Variants in PNLIP observed in about 807,000 individuals in gnomAD.
PNLIP encodes pancreatic lipase.
PNLIP carries 49 observed loss-of-function variants against 57.1 expected under a neutral mutation model. The ratio of observed to expected loss-of-function variants is 0.86; its 90% CI spans 0.68 to 1.09. PNLIP has a LOEUF of 1.09. Among genes scored for constraint, PNLIP ranks in the 50% least tolerant of loss-of-function variants. The pLI, the probability that PNLIP is intolerant of heterozygous loss-of-function variation, is 0.00. For synonymous variants in PNLIP, 209 were observed against 200.4 expected (o/e 1.04, Z -0.36); for missense variants, 503 against 570.2 (o/e 0.88, Z 1.20).
Position 116,559,358 on chromosome 10 carries a change from A to G in PNLIP, c.1060+75A>G. On this transcript the variant is annotated intron_variant, in intron 10 of 12. Transcript: ENST00000369221. ...TATTATGTCCACTGAAAATGTGCAT[A>G]CTTGCTTTTCTATACAAAAGCTTTA... is the stretch of plus-strand genomic sequence containing the variant. The G allele has an allele frequency of 3.4e-6, 4 of 1,164,924 alleles. No homozygotes were observed. The South Asian group carries it at 5.9e-5, about 17-fold the overall frequency. 72.2% of individuals were successfully genotyped at this position (1,164,924 alleles called of 1,614,324 possible). A position where few individuals can be genotyped will look rare whatever the true frequency, so the allele number is the denominator to read the frequency against.
chr10:116,551,312 T>C (rs1425939301), intron 5 of PNLIP, 80 bp downstream of exon 5: 2 of 945,288 alleles, frequency 2.1e-6, no homozygotes, highest in East Asian at 5.7e-5. Flanking sequence ...AAAAAGCCTG[T>C]AGATTTAATC....
chr10:116,565,101 C>T (rs1465132191), intron 12 of PNLIP, among the ~76,000 whole-genome samples: 1 of 151,602 alleles, frequency 6.6e-6, no homozygotes, highest in African/African-American at 2.4e-5. Context: ...ACTAAATACA[C>T]GACGCAGGCG....
chr10:116,557,884 G>A (rs1308132457), intron 9 of PNLIP, among the ~76,000 whole-genome samples: 3 of 151,998 alleles, frequency 2.0e-5, no homozygotes, highest in Non-Finnish European at 4.4e-5. Flanking sequence ...TAGGCTAGCT[G>A]GGGCATTTTC....
rs1266419768 is a variant in PNLIP at position 116,546,286 on chromosome 10, A to G, written c.46+148A>G. On this transcript the variant is annotated intron_variant, in intron 2 of 12. Coordinates refer to ENST00000369221, the MANE Select transcript of PNLIP (RefSeq NM_000936.4). ...AGGAGACGCATAAGAGCACAGGTAC[A>G]TGGAGTAGGGTTGTCAGAAAACATC... The G allele has an allele frequency of 1.2e-5, 8 of 675,186 alleles. No homozygotes were observed. The Admixed American group carries it at 1.6e-4, about 13-fold the overall frequency. The allele number at this position is 675,186 out of a possible 1,614,324, so 41.8% of individuals were successfully genotyped here.
chr10:116,565,875 T>C (rs533871565), intron 12 of PNLIP, among the ~76,000 whole-genome samples: 1 of 152,320 alleles, frequency 6.6e-6, no homozygotes, highest in African/African-American at 2.4e-5. Context: ...AGTGGCACGA[T>C]CTTGGCTCAC....
intron 5 of PNLIP, among the ~76,000 whole-genome samples, chr10:116,552,954 A>G (rs183037607): frequency 2.2e-3 from 332 of 152,328 alleles, no homozygotes; most frequent in African/African-American, 7.6e-3. Context: ...CTGAGTGTAG[A>G]GTAATGTACA....
At position 116,548,063 on chromosome 10, in the gene PNLIP, A is replaced by G. The variant is rs184766719; in HGVS notation, c.202-297A>G. Among the ~76,000 whole-genome samples the G allele has an allele frequency of 5.3e-5, 8 of 152,260 alleles. No individual in the cohort carries two copies. In the East Asian group the frequency reaches 1.5e-3, roughly 29 times the overall value. ...TATCTCTACATAGATAAAGACATAT[A>G]AAAATACACACACGCACACACACAC... On this transcript the variant is annotated intron_variant, in intron 3 of 12. Coordinates refer to ENST00000369221, the MANE Select transcript of PNLIP (RefSeq NM_000936.4).
chr10:116,547,325 C>T lies in PNLIP; in HGVS notation c.78C>T (p.Cys26=). The change falls in exon 3 of 13, where the codon TGC becomes TGT. Residue 26 remains cysteine, a synonymous_variant. Coordinates refer to ENST00000369221, the MANE Select transcript of PNLIP (RefSeq NM_000936.4). ...AAGTTTGCTACGAAAGACTCGGCTG[C>T]TTCAGTGATGACTCCCCATGGTCAG... ...GKEVCYERLG[C]FSDDSPWSGI... is the part of the protein sequence containing the mutation. The T allele has an allele frequency of 1.2e-6, 2 of 1,614,066 alleles. No individual in the cohort carries two copies. Among genetic ancestry groups the T allele is most frequent in the Non-Finnish European group, 1.7e-6 (2 of 1,179,984 alleles).
intron 9 of PNLIP, among the ~76,000 whole-genome samples, chr10:116,558,199 C>CT (rs71010092): frequency 0.079 from 9,350 of 118,216 alleles, 385 homozygotes; most frequent in South Asian, 0.1. Context: ...ATCTTTCTTT[C>CT]TTTTTTTTTT....
At position 116,547,306 on chromosome 10, in the gene PNLIP, G is replaced by A; in HGVS notation, c.59G>A (p.Cys20Tyr). 6.2e-7 allele frequency: 1 copy of A among 1,614,100 alleles called. No individual in the cohort carries two copies. Among genetic ancestry groups the A allele is most frequent in the Non-Finnish European group, 8.5e-7 (1 of 1,179,986 alleles). Residue 20 changes from cysteine (C) to tyrosine (Y), a missense_variant, in exon 3 of 13, where the codon TGC (cysteine) becomes TAC (tyrosine). Physicochemically the swap from Cys to Tyr is radical, Grantham distance 194. Coordinates refer to ENST00000369221, the MANE Select transcript of PNLIP (RefSeq NM_000936.4). ...LLGAVAGKEV[C>Y]YERLGCFSDD... ...TGGGGGATTGCAGGAAAAGAAGTTT[G>A]CTACGAAAGACTCGGCTGCTTCAGT...
chr10:116,546,378 G>C (rs1847123883), intron 2 of PNLIP, among the ~76,000 whole-genome samples: 1 of 152,096 alleles, frequency 6.6e-6, no homozygotes, highest in African/African-American at 2.4e-5. Context: ...ACAAATATGT[G>C]ACATATCTAT....
chr10:116,564,212 T>C (rs2915771), intron 12 of PNLIP, among the ~76,000 whole-genome samples: 151,309 of 152,280 alleles, frequency 0.99, 75,183 homozygotes, highest in Middle Eastern at 1. Flanking sequence ...ATCCATCTAA[T>C]AAAACTTCAC....
Position 116,546,178 on chromosome 10 carries a change from T to G in PNLIP, c.46+40T>G, listed in dbSNP as rs202032753. The stretch of plus-strand genomic sequence containing the variant: ...AAATGTTGAGCTGGGAGAGATTCAC[T>G]TTTCAACACGGTCAGGAGGGCTAGG... On this transcript the variant is annotated intron_variant, in intron 2 of 12. Transcript: ENST00000369221. The G allele has an allele frequency of 3.8e-5, 60 of 1,568,720 alleles. No individual in the cohort carries two copies. The East Asian group carries it at 1.2e-3, about 32-fold the overall frequency.
intron 12 of PNLIP, among the ~76,000 whole-genome samples, chr10:116,567,139 CTTTT>C (rs893758145): frequency 1.6e-4 from 16 of 101,498 alleles, no homozygotes; most frequent in African/African-American, 5.4e-4. Context: ...TTCTTTCTTT[CTTTT>C]CTTCTCTTTC....
chr10:116,557,769 T>C (rs1290835567), intron 9 of PNLIP, among the ~76,000 whole-genome samples: 1 of 152,130 alleles, frequency 6.6e-6, no homozygotes, highest in African/African-American at 2.4e-5. Flanking sequence ...GCCAACTTGG[T>C]TCCTCCCTCT....
intron 4 of PNLIP, among the ~76,000 whole-genome samples, chr10:116,549,423 G>A (rs1847166400): frequency 1.3e-5 from 2 of 152,014 alleles, no homozygotes; most frequent in Admixed American, 6.6e-5. Flanking sequence ...AGGTTGCAGT[G>A]AGCCAAGATC....
chr10:116,559,285 T>C lies in PNLIP; in HGVS notation c.1060+2T>C. ...CTGGTGATGCCAGTAATTTTGCACGTAAGTTTCTGTTTTCTGTATCTTATA... is the reference window on the plus strand; with the variant it reads ...CTGGTGATGCCAGTAATTTTGCACGCAAGTTTCTGTTTTCTGTATCTTATA... On this transcript the variant is annotated splice_donor_variant, in intron 10 of 12. Coordinates refer to ENST00000369221, the MANE Select transcript of PNLIP (RefSeq NM_000936.4). LOFTEE classifies it high-confidence loss of function. The C allele has an allele frequency of 6.2e-7, 1 of 1,607,066 alleles. No homozygotes were observed. The highest frequency in any genetic ancestry group is 8.5e-7 in the Non-Finnish European group (1 of 1,174,860).
At chr10:116,565,249 C>CAA (rs71010093) in intron 12 of PNLIP, among the ~76,000 whole-genome samples, 2,943 of 33,342 alleles carry the variant, frequency 0.088, 666 homozygotes, top group African/African-American at 0.16. Flanking sequence ...GACAATGTCT[C>CAA]AAAAAAAAAA....
At chr10:116,552,538 G>A (rs1010817403) in intron 5 of PNLIP, among the ~76,000 whole-genome samples, 1 of 152,070 alleles carries the variant, frequency 6.6e-6, no homozygotes, top group Non-Finnish European at 1.5e-5. Flanking sequence ...TTTGATACAG[G>A]GATACAGAGT....
Sources: allele counts gnomAD v4.1 joint callset (sites outside exome capture counted in the v4.1 genomes callset), GRCh38; gene constraint gnomAD v4.1.1; transcripts MANE v1.5; gene names NCBI Gene and HGNC (gene_info 2026-07-23, HGNC 2026-07-21).